The following CRTC1 variants were observed in gnomAD, a reference collection of about 807,000 sequenced individuals.
The protein encoded by CRTC1 is CREB regulated transcription coactivator 1, also known as CREB-regulated transcription coactivator 1.
In CRTC1, 18 loss-of-function variants were observed where a neutral mutation model predicts 66.1. The ratio of observed to expected loss-of-function variants is 0.27; its 90% CI spans 0.19 to 0.40. The LOEUF (loss-of-function observed/expected upper bound fraction) is 0.40, where lower values mean the gene tolerates loss of function less well. CRTC1 is among the 10% of genes least tolerant of loss of function. The pLI is 1.00. For synonymous variants in CRTC1, 416 were observed against 398.8 expected (o/e 1.04, Z -0.51); for missense variants, 669 against 887.9 (o/e 0.75, Z 3.13).
chr19:18,684,613 C>T (rs1229740628), intron 1 of CRTC1, among the ~76,000 whole-genome samples: 2 of 152,102 alleles, frequency 1.3e-5, no homozygotes, highest in African/African-American at 4.8e-5. Context: ...CCATGTAGCC[C>T]ATATGGTGGG....
In CRTC1 at chr19:18,749,770, C is replaced by G. The variant is rs2054322945; in HGVS notation, c.444-11C>G. The G allele has an allele frequency of 6.2e-7, 1 of 1,611,942 alleles. No homozygotes were observed. Among genetic ancestry groups the G allele is most frequent in the South Asian group, 1.1e-5 (1 of 91,046 alleles). On this transcript the variant is annotated splice_polypyrimidine_tract_variant and intron_variant, in intron 4 of 13. Transcript: ENST00000321949. Reference sequence around the variant, plus strand: ...GCTGAGGCTCATTGTCTCTTCCTCCCTCCCCACCAGGACCAATTCTGACTC... The same window carrying G: ...GCTGAGGCTCATTGTCTCTTCCTCCGTCCCCACCAGGACCAATTCTGACTC...
intron 10 of CRTC1, among the ~76,000 whole-genome samples, chr19:18,769,820 C>G (rs970980325): frequency 1.3e-5 from 2 of 152,156 alleles, no homozygotes; most frequent in Non-Finnish European, 2.9e-5. Flanking sequence ...GCTTCCTGCC[C>G]CCACTTCAAG....
chr19:18,780,208 TG>T lies in CRTC1; in HGVS notation c.*2829del, dbSNP rs2055076840. ...TCAGGCCCGGATGCTTGGTCTACACTGGGTTAGAGGCTGCTCTCCCCACGCA... is the reference window on the plus strand; with the variant it reads ...TCAGGCCCGGATGCTTGGTCTACACTGGTTAGAGGCTGCTCTCCCCACGCA... On this transcript the variant is annotated 3_prime_UTR_variant, in exon 14 of 14. Transcript: ENST00000321949. 1 of 231,594 alleles carries T rather than the reference TG, an allele frequency of 4.3e-6. No homozygotes were observed. Among genetic ancestry groups the T allele is most frequent in the Non-Finnish European group, 8.5e-6 (1 of 117,130 alleles). The allele number at this position is 231,594 out of a possible 1,614,324, so 14.3% of individuals were successfully genotyped here.
chr19:18,705,193 G>A (rs2053236187), intron 1 of CRTC1, among the ~76,000 whole-genome samples: 1 of 152,124 alleles, frequency 6.6e-6, no homozygotes, highest in African/African-American at 2.4e-5. Context: ...ATGGACATTT[G>A]GCTGGTTTCA....
chr19:18,775,125 G>T (rs575298479), intron 12 of CRTC1, 139 bp downstream of exon 12: 9 of 824,162 alleles, frequency 1.1e-5, no homozygotes, highest in African/African-American at 1.0e-4. Flanking sequence ...TTGCCCCTCG[G>T]CCCCCGCCCC....
chr19:18,758,906 T>TTGGGGACAGCTC (rs1270089419), intron 6 of CRTC1, among the ~76,000 whole-genome samples: 2 of 152,272 alleles, frequency 1.3e-5, no homozygotes, highest in African/African-American at 4.8e-5. Context: ...GCATGGATGG[T>TTGGGGACAGCTC]TGGGGACAGC....
chr19:18,721,858 A>C (rs550288490), intron 1 of CRTC1, among the ~76,000 whole-genome samples: 3 of 152,178 alleles, frequency 2.0e-5, no homozygotes, highest in East Asian at 1.9e-4. Context: ...GGACATGGCT[A>C]TGTGTTTCCA....
chr19:18,734,173 G>A (rs924843380), intron 1 of CRTC1, among the ~76,000 whole-genome samples: 3 of 152,072 alleles, frequency 2.0e-5, no homozygotes, highest in African/African-American at 7.2e-5. Flanking sequence ...AGGGGCTGGG[G>A]GAGGGGAATG....
At chr19:18,700,177 T>A (rs1450378264) in intron 1 of CRTC1, among the ~76,000 whole-genome samples, 1 of 152,188 alleles carries the variant, frequency 6.6e-6, no homozygotes, top group African/African-American at 2.4e-5. Flanking sequence ...TCTCTGTACT[T>A]GGGTCCTGAC....
chr19:18,745,140 C>G (rs1251303801), intron 2 of CRTC1, among the ~76,000 whole-genome samples: 1 of 152,132 alleles, frequency 6.6e-6, no homozygotes, highest in Non-Finnish European at 1.5e-5. Context: ...GGAGGGCCAG[C>G]CTGGTGCCAG....
chr19:18,781,576 G>A lies in CRTC1; in HGVS notation c.*4194G>A, dbSNP rs2055104697. 5 of 229,624 alleles carry A rather than the reference G, an allele frequency of 2.2e-5. No individual in the cohort carries two copies. The highest frequency in any genetic ancestry group is 1.7e-4 in the Admixed American group (3 of 17,656). The allele number at this position is 229,624 out of a possible 1,614,324, so 14.2% of individuals were successfully genotyped here. On this transcript the variant is annotated 3_prime_UTR_variant, in exon 14 of 14. Coordinates refer to ENST00000321949, the MANE Select transcript of CRTC1 (RefSeq NM_015321.3). ...ACCATTCTCCCCCTGGGAGCAGGAG[G>A]TGGAGTAAGTTGTACCCCCAGGCCT... is the stretch of plus-strand genomic sequence containing the variant.
intron 1 of CRTC1, among the ~76,000 whole-genome samples, chr19:18,716,792 G>A (rs921547016): frequency 1.3e-5 from 2 of 152,180 alleles, no homozygotes; most frequent in Admixed American, 1.3e-4. Flanking sequence ...TTCTGTATTT[G>A]TCCAGGCAAG....
chr19:18,781,082 G>A lies in CRTC1; in HGVS notation c.*3700G>A, dbSNP rs1601043104. 2 of 227,952 alleles carry A rather than the reference G, an allele frequency of 8.8e-6. No homozygotes were observed. Among genetic ancestry groups the A allele is most frequent in the Non-Finnish European group, 1.7e-5 (2 of 114,920 alleles). 14.1% of individuals were successfully genotyped at this position (227,952 alleles called of 1,614,324 possible). A position where few individuals can be genotyped will look rare whatever the true frequency, so the allele number is the denominator to read the frequency against. ...GCTCCCATCACCTTCACTGGGTCCC[G>A]ATGGAGCCGTCTCAGAGGCCGAGGG... On this transcript the variant is annotated 3_prime_UTR_variant, in exon 14 of 14. Coordinates refer to ENST00000321949, the MANE Select transcript of CRTC1 (RefSeq NM_015321.3).
chr19:18,756,143 C>T (rs994208911), intron 6 of CRTC1, among the ~76,000 whole-genome samples: 2 of 151,862 alleles, frequency 1.3e-5, no homozygotes, highest in African/African-American at 2.4e-5. Flanking sequence ...ACACCAGCCT[C>T]GACAACATGG....
intron 11 of CRTC1, 51 bp from the exon 12 acceptor site, chr19:18,774,849 T>C: frequency 1.3e-6 from 2 of 1,586,494 alleles, no homozygotes; most frequent in South Asian, 2.2e-5. Context: ...GGTGCCGACT[T>C]CCCACCTGGC....
In CRTC1 at chr19:18,739,050, C is replaced by T. The variant is rs115896641; in HGVS notation, c.127-3860C>T. On this transcript the variant is annotated intron_variant, in intron 1 of 13. Transcript: ENST00000321949. ...GGCCCTCCAAATCGCCAGTGGGGTC[C>T]ACTCTCACAGCCAGGCAGCCAGGAC... Among the ~76,000 whole-genome samples, 1,198 of 152,338 alleles carry T rather than the reference C, an allele frequency of 7.9e-3. 15 individuals are homozygous for T. The highest frequency in any genetic ancestry group is 0.027 in the African/African-American group (1,139 of 41,566).
At chr19:18,718,730 C>G (rs1332166432) in intron 1 of CRTC1, among the ~76,000 whole-genome samples, 1 of 152,132 alleles carries the variant, frequency 6.6e-6, no homozygotes, top group Non-Finnish European at 1.5e-5. Flanking sequence ...GTGGGTTTTC[C>G]CACCTTTTGG....
At chr19:18,697,402 C>G (rs973721088) in intron 1 of CRTC1, among the ~76,000 whole-genome samples, 1 of 152,072 alleles carries the variant, frequency 6.6e-6, no homozygotes, top group Non-Finnish European at 1.5e-5. Context: ...CTCTGCCTCT[C>G]GTGTTCAAGC....
chr19:18,731,994 C>T (rs2053900635), intron 1 of CRTC1, among the ~76,000 whole-genome samples: 1 of 152,220 alleles, frequency 6.6e-6, no homozygotes, highest in African/African-American at 2.4e-5. Context: ...CCTGTGGTTG[C>T]CCCCTGATGA....
Sources: gnomAD v4.1 joint callset for allele counts (sites outside exome capture counted in the v4.1 genomes callset) on GRCh38, gnomAD v4.1.1 for gene constraint, MANE v1.5 for transcripts, NCBI Gene and HGNC (gene_info 2026-07-23, HGNC 2026-07-21) for gene names.